SYNJ2: variants seen among roughly 807,000 people sequenced by gnomAD.
The protein encoded by SYNJ2 is polyphosphatidylinositol phosphatase SYNJ2.
A neutral mutation model predicts 141.3 loss-of-function variants in SYNJ2; 116 were observed. The observed-to-expected ratio is 0.82, with a 90% CI of 0.71 to 0.96. SYNJ2 has a LOEUF of 0.96. Among genes scored for constraint, SYNJ2 ranks in the 40% least tolerant of loss-of-function variants. SYNJ2 has a pLI of 0.00. For missense variants in SYNJ2, 1,873 were observed against 1,934.8 expected, an observed-to-expected ratio of 0.97 and a Z score of 0.60; for synonymous variants, 745 against 777.7, an observed-to-expected ratio of 0.96 and a Z score of 0.70.
In SYNJ2 at chr6:158,027,248, C is replaced by G; in HGVS notation, c.215-1508C>G. ...GAGTGTGGAGAGATCAGAACCATCTCCAGACCATGGCTGTAGACAGCGGCC... is the reference window on the plus strand; with the variant it reads ...GAGTGTGGAGAGATCAGAACCATCTGCAGACCATGGCTGTAGACAGCGGCC... On this transcript the variant is annotated intron_variant, in intron 2 of 26. Coordinates refer to ENST00000355585, the MANE Select transcript of SYNJ2 (RefSeq NM_003898.4). This position sits in a 1 kb window ranked among gnomAD's most constrained non-coding sequence, Gnocchi z 4.6. 26 of 956,978 alleles carry G rather than the reference C, an allele frequency of 2.7e-5. No homozygotes were observed. Among genetic ancestry groups the G allele is most frequent in the Non-Finnish European group, 3.2e-5 (26 of 804,070 alleles). 59.3% of individuals were successfully genotyped at this position (956,978 alleles called of 1,614,324 possible).
chr6:158,046,846 G>A (rs999283010), intron 5 of SYNJ2, among the ~76,000 whole-genome samples: 4 of 152,182 alleles, frequency 2.6e-5, no homozygotes, highest in Non-Finnish European at 5.9e-5. Context: ...TTTATGATCT[G>A]TGTCTGTGGT....
At chr6:158,047,786 A>C (rs1418238692) in intron 5 of SYNJ2, among the ~76,000 whole-genome samples, 40 of 145,640 alleles carry the variant, frequency 2.7e-4, no homozygotes, top group African/African-American at 1.0e-3. Flanking sequence ...AAAAAAAAAA[A>C]AAAAAAAAAA....
chr6:157,994,299 A>T (rs1242352140), intron 1 of SYNJ2, among the ~76,000 whole-genome samples: 1 of 152,194 alleles, frequency 6.6e-6, no homozygotes, highest in Non-Finnish European at 1.5e-5. Context: ...GGTCAGGTGG[A>T]GCCAGCTGGG....
In SYNJ2 at chr6:157,982,167, C is replaced by A. The variant is rs1224227991; in HGVS notation, c.127+79C>A. The A allele has an allele frequency of 6.4e-6, 8 of 1,251,810 alleles. No homozygotes were observed. The highest frequency in any genetic ancestry group is 2.9e-5 in the South Asian group (1 of 34,188). The allele number at this position is 1,251,810 out of a possible 1,614,324, so 77.5% of individuals were successfully genotyped here. On this transcript the variant is annotated intron_variant, in intron 1 of 26. Coordinates refer to ENST00000355585, the MANE Select transcript of SYNJ2 (RefSeq NM_003898.4). The surrounding 1 kb of genome is among the most constrained non-coding windows in gnomAD (Gnocchi z 4.0). ...CCAGCCTCGGGAAGACGGGTACCCCCCCTTCCCGAGGGGATCGGGCGGCGC... is the reference window on the plus strand; with the variant it reads ...CCAGCCTCGGGAAGACGGGTACCCCACCTTCCCGAGGGGATCGGGCGGCGC...
intron 1 of SYNJ2, among the ~76,000 whole-genome samples, chr6:157,997,572 G>C (rs1360134425): frequency 6.6e-6 from 1 of 152,280 alleles, no homozygotes; most frequent in South Asian, 2.1e-4. Flanking sequence ...CTTGATCTTG[G>C]ATTTCTGGCC....
At chr6:158,013,443 G>A (rs142584197) in intron 1 of SYNJ2, among the ~76,000 whole-genome samples, 130 of 152,312 alleles carry the variant, frequency 8.5e-4, no homozygotes, top group African/African-American at 3.1e-3. Context: ...GCTACCCCTT[G>A]AAGCTCCAAT....
intron 25 of SYNJ2, among the ~76,000 whole-genome samples, chr6:158,092,399 G>A (rs1783520337): frequency 6.6e-6 from 1 of 152,216 alleles, no homozygotes; most frequent in African/African-American, 2.4e-5. Context: ...CCAGCACTTT[G>A]AGAGGCTGGG....
intron 4 of SYNJ2, among the ~76,000 whole-genome samples, chr6:158,038,031 G>A (rs1038501779): frequency 2.0e-5 from 3 of 152,244 alleles, no homozygotes; most frequent in Non-Finnish European, 4.4e-5. Flanking sequence ...TTAGAGCTCA[G>A]AGGCAGGGAC....
intron 4 of SYNJ2, 37 bp downstream of exon 4, chr6:158,033,717 C>A: frequency 6.3e-7 from 1 of 1,575,584 alleles, no homozygotes; most frequent in South Asian, 1.1e-5. Flanking sequence ...CCAAATGGTT[C>A]CGAGTGGCTG....
At chr6:158,039,748 T>C (rs1011915388) in intron 4 of SYNJ2, among the ~76,000 whole-genome samples, 1 of 152,106 alleles carries the variant, frequency 6.6e-6, no homozygotes, top group Admixed American at 6.5e-5. Context: ...TGCATCTCGG[T>C]GGCCTCGCCC....
rs143776632 is a variant in SYNJ2 at position 158,008,348 on chromosome 6, G to A, written c.128-8856G>A. Among the ~76,000 whole-genome samples, 668 of 152,342 alleles carry A rather than the reference G, an allele frequency of 4.4e-3. 3 individuals carry two copies. Among genetic ancestry groups the A allele is most frequent in the African/African-American group, 0.015 (644 of 41,576 alleles). On this transcript the variant is annotated intron_variant, in intron 1 of 26. Transcript: ENST00000355585. ...ATATTTACAGATGAAATAATGTGAT[G>A]CCTGGAATTTACTCACAATAACCTA...
chr6:158,011,191 G>C (rs1778257592), intron 1 of SYNJ2, among the ~76,000 whole-genome samples: 2 of 152,178 alleles, frequency 1.3e-5, no homozygotes, highest in East Asian at 1.9e-4. Context: ...GAAGGGACTG[G>C]AGTGAGGAAG....
chr6:158,027,410 G>A lies in SYNJ2; in HGVS notation c.215-1346G>A, dbSNP rs780056758. On this transcript the variant is annotated intron_variant, in intron 2 of 26. Transcript: ENST00000355585. The surrounding 1 kb of genome is among the most constrained non-coding windows in gnomAD (Gnocchi z 4.6). ...GATGATCTCTTGGGCCCCGTCCCGA[G>A]AGTGAGGCACGGCGCCACCAGGCAC... 91 of 181,214 alleles carry A rather than the reference G, an allele frequency of 5.0e-4. No homozygotes were observed. The highest frequency in any genetic ancestry group is 8.5e-4 in the Non-Finnish European group (80 of 94,588). The allele number at this position is 181,214 out of a possible 1,614,324, so 11.2% of individuals were successfully genotyped here.
intron 2 of SYNJ2, 107 bp downstream of exon 2, chr6:158,017,397 T>G: frequency 6.8e-6 from 6 of 877,282 alleles, no homozygotes; most frequent in Non-Finnish European, 6.4e-6. Flanking sequence ...CGCTCTTCTC[T>G]CTCTCTTCTT....
chr6:158,018,533 A>T (rs1778593454), intron 2 of SYNJ2, among the ~76,000 whole-genome samples: 1 of 152,198 alleles, frequency 6.6e-6, no homozygotes, highest in Non-Finnish European at 1.5e-5. Context: ...AAGCACGGTT[A>T]CGTTGGCCAT....
At chr6:157,989,427 A>AATATAT (rs34948131) in intron 1 of SYNJ2, among the ~76,000 whole-genome samples, 2,151 of 95,970 alleles carry the variant, frequency 0.022, 35 homozygotes, top group South Asian at 0.026. Context: ...TAAAAAAATG[A>AATATAT]ATATATATAT....
intron 8 of SYNJ2, among the ~76,000 whole-genome samples, chr6:158,062,905 C>T (rs570715747): frequency 1.3e-5 from 2 of 152,112 alleles, no homozygotes; most frequent in South Asian, 2.1e-4. Context: ...AGCAGTGTGC[C>T]GAAGAGCTGT....
Position 158,064,950 on chromosome 6 carries a change from C to G in SYNJ2, c.1484C>G (p.Ala495Gly). 1 of 1,610,824 alleles carries G rather than the reference C, an allele frequency of 6.2e-7. No individual in the cohort carries two copies. The highest frequency in any genetic ancestry group is 1.3e-5 in the African/African-American group (1 of 75,022). The change falls in exon 11 of 27, where the codon GCA (alanine) becomes GGA (glycine). Residue 495 changes from alanine (A) to glycine (G), a missense_variant. Ala to Gly is a moderately conservative substitution (Grantham distance 60, BLOSUM62 0). Transcript: ENST00000355585. Reference protein sequence around the residue: ...LVGDVYGEEVADKGGMLLDST... With the variant: ...LVGDVYGEEVGDKGGMLLDST... Reference sequence around the variant, plus strand: ...GGGGACGTCTACGGCGAGGAGGTGGCAGACAAAGGGGGCATGCTGCTGGAC... The same window carrying G: ...GGGGACGTCTACGGCGAGGAGGTGGGAGACAAAGGGGGCATGCTGCTGGAC...
At chr6:158,046,391 G>A (rs1227973072) in intron 5 of SYNJ2, among the ~76,000 whole-genome samples, 1 of 152,148 alleles carries the variant, frequency 6.6e-6, no homozygotes, top group Non-Finnish European at 1.5e-5. Context: ...TTCACAGGGG[G>A]CCGGGAGGGC....
Sources: allele counts gnomAD v4.1 joint callset (sites outside exome capture counted in the v4.1 genomes callset), GRCh38; gene constraint gnomAD v4.1.1; non-coding constraint Gnocchi (gnomAD v3.1); transcripts MANE v1.5; gene names NCBI Gene and HGNC (gene_info 2026-07-23, HGNC 2026-07-21).